C17orf99: variants seen among roughly 807,000 people sequenced by gnomAD.
C17orf99 encodes protein IL-40.
C17orf99 carries 18 observed loss-of-function variants against 22.6 expected under a neutral mutation model. That is an observed-to-expected ratio of 0.80 (90% CI 0.55 to 1.18). C17orf99 has a LOEUF of 1.18. C17orf99 is among the 50% of genes most tolerant of loss of function. The pLI, the probability that C17orf99 is intolerant of heterozygous loss-of-function variation, is 0.00. For missense variants in C17orf99, 328 were observed against 342.7 expected (o/e 0.96, Z 0.34); for synonymous variants, 147 against 136.6 (o/e 1.08, Z -0.53).
intron 2 of C17orf99, among the ~76,000 whole-genome samples, chr17:78,153,036 G>A (rs1443033458): frequency 1.3e-5 from 2 of 151,900 alleles, no homozygotes; most frequent in Non-Finnish European, 2.9e-5. Context: ...AATTGAGATC[G>A]TGCCGCTGCA....
chr17:78,157,183 A>C (rs1421245509), intron 2 of C17orf99, among the ~76,000 whole-genome samples: 1 of 150,060 alleles, frequency 6.7e-6, no homozygotes, highest in African/African-American at 2.5e-5. Flanking sequence ...TACAAAACTT[A>C]GGCCGGGCAC....
chr17:78,145,975 A>G (rs1015068153), upstream of C17orf99, among the ~76,000 whole-genome samples: 2 of 151,882 alleles, frequency 1.3e-5, no homozygotes, highest in African/African-American at 4.8e-5. Context: ...TTTAGTAGAG[A>G]TGGAGTTTCG....
At chr17:78,157,016 A>G (rs1019535422) in intron 2 of C17orf99, among the ~76,000 whole-genome samples, 7 of 140,438 alleles carry the variant, frequency 5.0e-5, no homozygotes, top group Non-Finnish European at 1.1e-4. Flanking sequence ...AAATTCACAT[A>G]ACAAAAAGTC....
chr17:78,160,296 G>A (rs59100973), intron 2 of C17orf99, among the ~76,000 whole-genome samples: 5,965 of 152,172 alleles, frequency 0.039, 381 homozygotes, highest in African/African-American at 0.14. Flanking sequence ...CCAGCACTTT[G>A]GGAGGCCAAG....
chr17:78,164,949 T>C (rs2075607164), intron 4 of C17orf99: 1 of 1,147,552 alleles, frequency 8.7e-7, no homozygotes, highest in Non-Finnish European at 1.1e-6. Context: ...GGCAGTCTCC[T>C]AAGTTCTTTA....
In C17orf99 at chr17:78,146,899, G is replaced by T. The variant is rs755006670; in HGVS notation, c.58G>T (p.Ala20Ser). The change falls in exon 2 of 5, where the codon GCA becomes TCA. Residue 20 changes from alanine (A) to serine (S), a missense_variant. Ala to Ser is a moderately conservative substitution (Grantham distance 99). Coordinates refer to ENST00000340363, the MANE Select transcript of C17orf99 (RefSeq NM_001163075.2). The surrounding 1 kb of genome is among the most constrained non-coding windows in gnomAD (Gnocchi z 5.2). ...AVLAASSFSKAREEEITPVVS... is the reference protein window; with the variant it reads ...AVLAASSFSKSREEEITPVVS... ...TACAGCTGCCAGCAGCTTCTCCAAGGCACGGGAGGAAGGTAAGTGGCATAG... is the reference window on the plus strand; with the variant it reads ...TACAGCTGCCAGCAGCTTCTCCAAGTCACGGGAGGAAGGTAAGTGGCATAG... 98 of 1,551,504 alleles carry T rather than the reference G, an allele frequency of 6.3e-5. No homozygotes were observed. The highest frequency in any genetic ancestry group is 3.9e-4 in the East Asian group (16 of 40,914).
At chr17:78,149,514 C>T (rs941767943) in intron 2 of C17orf99, among the ~76,000 whole-genome samples, 1 of 151,894 alleles carries the variant, frequency 6.6e-6, no homozygotes, top group South Asian at 2.1e-4. Flanking sequence ...ATGATCTCTG[C>T]GTAGGTTGGC....
chr17:78,147,105 G>C (rs2075443394), intron 2 of C17orf99, among the ~76,000 whole-genome samples, 194 bp downstream of exon 2: 1 of 152,220 alleles, frequency 6.6e-6, no homozygotes, highest in East Asian at 1.9e-4. Flanking sequence ...GGCAGGCCAA[G>C]CAGGCCAGTG....
At chr17:78,153,512 C>T (rs1445720860) in intron 2 of C17orf99, among the ~76,000 whole-genome samples, 1 of 151,970 alleles carries the variant, frequency 6.6e-6, no homozygotes, top group Non-Finnish European at 1.5e-5. Flanking sequence ...AGTGAATGTC[C>T]CTGGTACAGT....
intron 3 of C17orf99, among the ~76,000 whole-genome samples, chr17:78,161,572 C>T (rs2075576812): frequency 6.6e-6 from 1 of 152,120 alleles, no homozygotes. Context: ...AAACTAGGCA[C>T]GTTTGTCTGG....
At position 78,146,824 on chromosome 17, in the gene C17orf99, T is replaced by C; in HGVS notation, c.38-55T>C. On this transcript the variant is annotated intron_variant, in intron 1 of 4. Transcript: ENST00000340363. The surrounding 1 kb of genome is among the most constrained non-coding windows in gnomAD (Gnocchi z 5.2). Reference sequence around the variant, plus strand: ...TCAGCAGGTGGGTCTCGAGGCTGTCTCTGGTCTCCCCTCCACACCAGGCCC... The same window carrying C: ...TCAGCAGGTGGGTCTCGAGGCTGTCCCTGGTCTCCCCTCCACACCAGGCCC... 6.5e-7 allele frequency: 1 copy of C among 1,527,310 alleles called. No individual in the cohort carries two copies. The highest frequency in any genetic ancestry group is 8.9e-7 in the Non-Finnish European group (1 of 1,125,856). 94.6% of individuals were successfully genotyped at this position (1,527,310 alleles called of 1,614,324 possible). A position where few individuals can be genotyped will look rare whatever the true frequency, so the allele number is the denominator to read the frequency against.
intron 2 of C17orf99, chr17:78,157,372 T>C (rs966773711): frequency 9.2e-7 from 1 of 1,085,226 alleles, no homozygotes; most frequent in Non-Finnish European, 1.3e-6. Flanking sequence ...TCACAGCCAG[T>C]GGACAGGGTT....
At chr17:78,165,453 G>A (rs1411016252) in intron 4 of C17orf99, 2 of 980,160 alleles carry the variant, frequency 2.0e-6, no homozygotes, top group Non-Finnish European at 2.4e-6. Flanking sequence ...ATTTAGTGGG[G>A]TGAGTAAGCC....
At chr17:78,157,387 C>T in intron 2 of C17orf99, 1 of 1,184,072 alleles carries the variant, frequency 8.4e-7, no homozygotes, top group Non-Finnish European at 1.2e-6. Context: ...AGGGTTGAGT[C>T]AGTGAGTTCG....
intron 2 of C17orf99, chr17:78,159,951 A>C: frequency 2.3e-6 from 1 of 426,728 alleles, no homozygotes; most frequent in Non-Finnish European, 4.7e-6. Flanking sequence ...ACCACATTCT[A>C]TTTACCCATT....
intron 2 of C17orf99, among the ~76,000 whole-genome samples, chr17:78,150,659 G>C (rs1230924690): frequency 6.6e-6 from 1 of 152,176 alleles, no homozygotes; most frequent in Non-Finnish European, 1.5e-5. Flanking sequence ...CTTTGTCCTA[G>C]CCCCATGACA....
intron 4 of C17orf99, chr17:78,165,311 A>C: frequency 1.0e-5 from 10 of 985,836 alleles, no homozygotes; most frequent in Non-Finnish European, 1.2e-5. Flanking sequence ...TGGCTCTACC[A>C]GGAGTCTGTC....
chr17:78,164,125 C>T lies in C17orf99; in HGVS notation c.401C>T (p.Thr134Ile). 6.4e-7 allele frequency: 1 copy of T among 1,551,750 alleles called. No individual in the cohort carries two copies. The highest frequency in any genetic ancestry group is 8.7e-7 in the Non-Finnish European group (1 of 1,147,018). ...GTGTCTGAGCTGCGGGCCAACTTCA[C>T]TCTGCAGGACAGAGGGGCAGGCCCC... The part of the protein sequence containing the change: ...KPVSELRANF[T>I]LQDRGAGPRV... The change falls in exon 4 of 5, where the codon ACT becomes ATT. Residue 134 changes from threonine (T) to isoleucine (I), a missense_variant. Coordinates refer to ENST00000340363, the MANE Select transcript of C17orf99 (RefSeq NM_001163075.2).
At chr17:78,157,352 G>C in intron 2 of C17orf99, 1 of 900,348 alleles carries the variant, frequency 1.1e-6, no homozygotes, top group Non-Finnish European at 1.6e-6. Flanking sequence ...GCGGCGGTGG[G>C]CTCGGAGGCT....
Sources: allele counts gnomAD v4.1 joint callset (sites outside exome capture counted in the v4.1 genomes callset), GRCh38; gene constraint gnomAD v4.1.1; non-coding constraint Gnocchi (gnomAD v3.1); transcripts MANE v1.5; gene names NCBI Gene and HGNC (gene_info 2026-07-23, HGNC 2026-07-21).